LRP4: variants seen among roughly 807,000 people sequenced by gnomAD.
LRP4 encodes the protein low-density lipoprotein receptor-related protein 4.
Under a neutral mutation model 220.3 loss-of-function variants are expected in LRP4, and 95 were observed. The ratio of observed to expected loss-of-function variants is 0.43; its 90% CI spans 0.37 to 0.51. LRP4 has a LOEUF of 0.51. LRP4 is among the 20% of genes least tolerant of loss of function. LRP4 has a pLI of 0.00. For missense variants in LRP4, 1,925 were observed against 2,567.0 expected (o/e 0.75, Z 5.40); for synonymous variants, 903 against 954.6 (o/e 0.95, Z 1.00).
chr11:46,897,261 A>G (rs531019001), intron 7 of LRP4, among the ~76,000 whole-genome samples: 304 of 151,510 alleles, frequency 2.0e-3, no homozygotes, highest in African/African-American at 7.1e-3. Flanking sequence ...TGCACAGTGC[A>G]CAACCTACAC....
Position 46,865,141 on chromosome 11 carries a change from A to AT in LRP4, c.5132dup (p.Asn1711LysfsTer2), listed in dbSNP as rs1399778404. ...TACCTGGAGCAGCAGGAACAGCGTC[A>AT]TTGGAACGTGCACAGAGGCCCAGCC... On this transcript the variant is annotated frameshift_variant, in exon 35 of 38. Transcript: ENST00000378623. LOFTEE classifies it high-confidence loss of function. The AT allele has an allele frequency of 6.4e-7, 1 of 1,563,144 alleles. No homozygotes were observed. Among genetic ancestry groups the AT allele is most frequent in the Non-Finnish European group, 8.7e-7 (1 of 1,152,730 alleles).
intron 28 of LRP4, chr11:46,874,207 T>C (rs1223689315): frequency 1.2e-5 from 2 of 164,162 alleles, no homozygotes; most frequent in African/African-American, 2.4e-5. Context: ...AAACTGTATA[T>C]GCCTACCTGT....
Position 46,881,542 on chromosome 11 carries a change from A to T in LRP4, c.2814+160T>A, listed in dbSNP as rs370886884. Among the ~76,000 whole-genome samples the T allele has an allele frequency of 1.2e-4, 18 of 152,278 alleles. No homozygotes were observed. The South Asian group carries it at 3.7e-3, about 32-fold the overall frequency. ...CCCCCAAGCTCTGGACAGCACCTAC[A>T]GCCTCAGAGAAACAGCACATGCCCC... is the stretch of plus-strand genomic sequence containing the variant. On this transcript the variant is annotated intron_variant, in intron 20 of 37. Transcript: ENST00000378623.
At chr11:46,904,336 G>A (rs891655255) in intron 1 of LRP4, among the ~76,000 whole-genome samples, 3 of 152,084 alleles carry the variant, frequency 2.0e-5, no homozygotes, top group Non-Finnish European at 2.9e-5. Flanking sequence ...ATAATTCCTT[G>A]GCCTAGCCTA....
Position 46,878,233 on chromosome 11 carries a change from T to C in LRP4, c.3136+674A>G, listed in dbSNP as rs540190404. ...ACTGTGACATTGTAGATATCATACA[T>C]TTCTGTTTTTATTATACCAATTTTG... On this transcript the variant is annotated intron_variant, in intron 22 of 37. Coordinates refer to ENST00000378623, the MANE Select transcript of LRP4 (RefSeq NM_002334.4). Among the ~76,000 whole-genome samples, 6 of 151,698 alleles carry C rather than the reference T, an allele frequency of 4.0e-5. No homozygotes were observed. In the South Asian group the frequency reaches 1.0e-3, roughly 26 times the overall value.
intron 13 of LRP4, among the ~76,000 whole-genome samples, chr11:46,891,781 A>C (rs1941430165): frequency 6.6e-6 from 1 of 151,632 alleles, no homozygotes; most frequent in African/African-American, 2.4e-5. Context: ...AAGTCCAGCT[A>C]ATTTTTGTAC....
rs2134862871 is a variant in LRP4 at position 46,899,263 on chromosome 11, G to T, written c.547+124C>A. 5.3e-6 allele frequency: 5 copies of T among 943,264 alleles called. No individual in the cohort carries two copies. The South Asian group carries it at 6.5e-5, about 12-fold the overall frequency. 58.4% of individuals were successfully genotyped at this position (943,264 alleles called of 1,614,324 possible). Reference sequence around the variant, plus strand: ...CCCTCCCTAGCTCAGCCTAGGAGGAGCTGCTGCTGAGGCACCCATGCTCCT... The same window carrying T: ...CCCTCCCTAGCTCAGCCTAGGAGGATCTGCTGCTGAGGCACCCATGCTCCT... On this transcript the variant is annotated intron_variant, in intron 5 of 37. Transcript: ENST00000378623. This position sits in a 1 kb window ranked among gnomAD's most constrained non-coding sequence, Gnocchi z 5.9.
In LRP4 at chr11:46,883,940, C is replaced by G. The variant is rs376413893; in HGVS notation, c.2543G>C (p.Ser848Thr). The change falls in exon 19 of 38, where the codon AGC (serine) becomes ACC (threonine). Residue 848 changes from serine (S) to threonine (T), a missense_variant. By Grantham distance (58) the Ser-to-Thr change is moderately conservative. Around this residue, in one of 3 missense-constraint regions of LRP4, gnomAD observed 1,244 missense variants for 1,624.9 expected, o/e 0.77. Transcript: ENST00000378623. ...DRIEVANTDG[S>T]MRTVLIWENL... Reference sequence around the variant, plus strand: ...CTCCCAGATGAGTACTGTTCTCATGCTGCCATCTGTGTTGGCTACTTCAAT... The same window carrying G: ...CTCCCAGATGAGTACTGTTCTCATGGTGCCATCTGTGTTGGCTACTTCAAT... 9.3e-6 allele frequency: 15 copies of G among 1,614,080 alleles called. No individual in the cohort carries two copies. The African/African-American group carries it at 2.0e-4, about 22-fold the overall frequency.
intron 2 of LRP4, among the ~76,000 whole-genome samples, chr11:46,901,456 T>C (rs190594841): frequency 6.6e-5 from 10 of 152,320 alleles, no homozygotes; most frequent in Admixed American, 6.5e-4. Context: ...TAGAGGCCTT[T>C]TGATATAATG....
At chr11:46,909,608 T>G in intron 1 of LRP4, among the ~76,000 whole-genome samples, 1 of 20,674 alleles carries the variant, frequency 4.8e-5, no homozygotes, top group Non-Finnish European at 8.2e-5. Context: ...CGAGACTCCG[T>G]CTCAAAAAAA....
Position 46,865,131 on chromosome 11 carries a change from G to C in LRP4, c.5143C>G (p.Pro1715Ala), listed in dbSNP as rs1197029056. 1.3e-6 allele frequency: 2 copies of C among 1,562,676 alleles called. No individual in the cohort carries two copies. Among genetic ancestry groups the C allele is most frequent in the South Asian group, 2.4e-5 (2 of 84,706 alleles). Residue 1715 changes from proline to alanine, a missense_variant, in exon 35 of 38, where the codon CCT becomes GCT. By Grantham distance (27) the Pro-to-Ala change is conservative (BLOSUM62 -1). Coordinates refer to ENST00000378623, the MANE Select transcript of LRP4 (RefSeq NM_002334.4). ...ACTCAGGGCTTACCTGGAGCAGCAG[G>C]AACAGCGTCATTGGAACGTGCACAG... ...GLCARSNDAV[P>A]AAPGEGLHIS... is the part of the protein sequence containing the mutation.
intron 13 of LRP4, among the ~76,000 whole-genome samples, chr11:46,892,394 C>T (rs765521239): frequency 1.3e-5 from 2 of 151,930 alleles, no homozygotes; most frequent in Non-Finnish European, 1.5e-5. Context: ...AATGCATCAC[C>T]TCATTTAATC....
intron 13 of LRP4, among the ~76,000 whole-genome samples, chr11:46,891,590 G>A (rs1371812160): frequency 1.3e-5 from 2 of 152,008 alleles, no homozygotes; most frequent in Non-Finnish European, 2.9e-5. Context: ...TTCATTTCAG[G>A]AGTTTTTCTT....
chr11:46,882,416 G>A (rs1360752871), intron 19 of LRP4, among the ~76,000 whole-genome samples: 1 of 151,980 alleles, frequency 6.6e-6, no homozygotes, highest in Non-Finnish European at 1.5e-5. Flanking sequence ...GGTCAAGGCT[G>A]CAGTGAGCCA....
In LRP4 at chr11:46,859,105, A is replaced by C. The variant is rs1335430618; in HGVS notation, c.5596T>G (p.Leu1866Val). 6.2e-7 allele frequency: 1 copy of C among 1,614,092 alleles called. No homozygotes were observed. Among genetic ancestry groups the C allele is most frequent in the East Asian group, 2.2e-5 (1 of 44,874 alleles). Residue 1866 changes from leucine to valine, a missense_variant, in exon 38 of 38, where the codon TTA (leucine) becomes GTA (valine). Physicochemically the swap from Leu to Val is conservative, Grantham distance 32. Around this residue, in one of 3 missense-constraint regions of LRP4, gnomAD observed 1,244 missense variants for 1,624.9 expected, o/e 0.77. Transcript: ENST00000378623. ...SLDDTETEQL[L>V]QEEQSECSSV... The stretch of plus-strand genomic sequence containing the variant: ...CTACACTCAGACTGCTCTTCCTGTA[A>C]CAGCTGCTCCGTCTCTGTGTCATCC...
Position 46,918,399 on chromosome 11 carries a change from G to A in LRP4, c.-20C>T, listed in dbSNP as rs1283356284. On this transcript the variant is annotated 5_prime_UTR_variant, in exon 1 of 38. Transcript: ENST00000378623. This position sits in a 1 kb window ranked among gnomAD's most constrained non-coding sequence, Gnocchi z 6.0. Reference sequence around the variant, plus strand: ...CCTCATGGTGCCGCCCGCGCCGCTCGCCCGGGGTCCCGCCGGCTCCCGCCG... The same window carrying A: ...CCTCATGGTGCCGCCCGCGCCGCTCACCCGGGGTCCCGCCGGCTCCCGCCG... The A allele has an allele frequency of 2.1e-6, 3 of 1,411,626 alleles. No homozygotes were observed. The highest frequency in any genetic ancestry group is 2.8e-6 in the Non-Finnish European group (3 of 1,084,012). 87.4% of individuals were successfully genotyped at this position (1,411,626 alleles called of 1,614,324 possible). A position where few individuals can be genotyped will look rare whatever the true frequency, so the allele number is the denominator to read the frequency against.
At chr11:46,903,156 T>C (rs1266832887) in intron 1 of LRP4, among the ~76,000 whole-genome samples, 3 of 152,094 alleles carry the variant, frequency 2.0e-5, no homozygotes, top group Non-Finnish European at 4.4e-5. Context: ...ACCCGCTCTA[T>C]GACAGGGCTT....
At chr11:46,913,605 T>C (rs1941903337) in intron 1 of LRP4, among the ~76,000 whole-genome samples, 1 of 152,118 alleles carries the variant, frequency 6.6e-6, no homozygotes, top group Admixed American at 6.5e-5. Context: ...GCCTGACTCC[T>C]TTCTCAGGCC....
chr11:46,862,801 C>G, intron 36 of LRP4, 54 bp from the exon 37 acceptor site: 1 of 1,536,922 alleles, frequency 6.5e-7, no homozygotes, highest in Non-Finnish European at 9.0e-7. Context: ...GGGATGATAC[C>G]TGGGAAAGCT....
Sources: gnomAD v4.1 joint callset for allele counts (sites outside exome capture counted in the v4.1 genomes callset) on GRCh38, gnomAD v4.1.1 for gene constraint, gnomAD v4.1.1 regional missense constraint, Gnocchi (gnomAD v3.1) non-coding constraint, MANE v1.5 for transcripts, NCBI Gene and HGNC (gene_info 2026-07-23, HGNC 2026-07-21) for gene names.